Variants in BCKDHB observed in about 807,000 individuals in gnomAD.
BCKDHB encodes 2-oxoisovalerate dehydrogenase subunit beta, mitochondrial.
In BCKDHB, 41 loss-of-function variants were observed where a neutral mutation model predicts 48.5. That is an observed-to-expected ratio of 0.85 (90% confidence interval 0.66 to 1.10). BCKDHB has a LOEUF of 1.10. Among genes scored for constraint, BCKDHB ranks in the 50% least tolerant of loss-of-function variants. The pLI, the probability that BCKDHB is intolerant of heterozygous loss-of-function variation, is 0.00. For synonymous variants in BCKDHB, 201 were observed against 174.8 expected, an observed-to-expected ratio of 1.15 and a Z score of -1.18; for missense variants, 496 against 494.2, an observed-to-expected ratio of 1.00 and a Z score of -0.03.
intron 8 of BCKDHB, among the ~76,000 whole-genome samples, chr6:80,244,636 GATA>G (rs2127921488): frequency 6.6e-6 from 1 of 152,296 alleles, no homozygotes; most frequent in African/African-American, 2.4e-5. Context: ...AATAGTAACA[GATA>G]ATGTCTTCTA....
chr6:80,259,776 T>C (rs954688133), intron 8 of BCKDHB, among the ~76,000 whole-genome samples: 1 of 152,170 alleles, frequency 6.6e-6, no homozygotes, highest in African/African-American at 2.4e-5. Flanking sequence ...TAATAAAAAT[T>C]AATTTATGAT....
chr6:80,329,254 T>C (rs1294419512), intron 9 of BCKDHB, among the ~76,000 whole-genome samples: 1 of 152,188 alleles, frequency 6.6e-6, no homozygotes. Context: ...CTTAAAAACT[T>C]TTTTACTGAA....
rs141969454 is a variant in BCKDHB at position 80,146,046 on chromosome 6, C to T, written c.343+16817C>T. 1.8e-3 allele frequency among the ~76,000 whole-genome samples: 269 copies of T among 152,244 alleles called. 1 individual carries two copies. Among genetic ancestry groups the T allele is most frequent in the African/African-American group, 6.0e-3 (250 of 41,550 alleles). On this transcript the variant is annotated intron_variant, in intron 3 of 9. Transcript: ENST00000320393. Reference sequence around the variant, plus strand: ...AGCTACAACACTGTTTGCTTCACAGCACTGCTTCCCTACCTTGCCCATATG... The same window carrying T: ...AGCTACAACACTGTTTGCTTCACAGTACTGCTTCCCTACCTTGCCCATATG...
intron 5 of BCKDHB, among the ~76,000 whole-genome samples, chr6:80,171,058 T>C (rs1207584975): frequency 6.6e-6 from 1 of 152,146 alleles, no homozygotes; most frequent in African/African-American, 2.4e-5. Flanking sequence ...AGTATCTTAG[T>C]TAACAGAACA....
chr6:80,212,524 A>C (rs1215510424), intron 8 of BCKDHB, among the ~76,000 whole-genome samples: 1 of 152,104 alleles, frequency 6.6e-6, no homozygotes, highest in African/African-American at 2.4e-5. Context: ...GTTCCTTTTC[A>C]GGTGCCCTGA....
chr6:80,243,878 G>C (rs1370462257), intron 8 of BCKDHB, among the ~76,000 whole-genome samples: 1 of 152,118 alleles, frequency 6.6e-6, no homozygotes, highest in Non-Finnish European at 1.5e-5. Flanking sequence ...AAGTGTTTCT[G>C]TGTAAGTGTA....
intron 1 of BCKDHB, among the ~76,000 whole-genome samples, chr6:80,126,594 G>A (rs1377713429): frequency 2.0e-5 from 3 of 152,238 alleles, no homozygotes; most frequent in South Asian, 2.1e-4. Context: ...GACTACCAGC[G>A]TGTAGATCAG....
At chr6:80,159,746 G>T (rs899765890) in intron 3 of BCKDHB, among the ~76,000 whole-genome samples, 1 of 152,078 alleles carries the variant, frequency 6.6e-6, no homozygotes, top group Non-Finnish European at 1.5e-5. Context: ...TGTTACAATT[G>T]TGTCTATAAT....
At chr6:80,339,927 A>G (rs1432345651) in intron 9 of BCKDHB, among the ~76,000 whole-genome samples, 1 of 152,204 alleles carries the variant, frequency 6.6e-6, no homozygotes, top group Non-Finnish European at 1.5e-5. Flanking sequence ...CTTTGTAGTC[A>G]GGTTCGAATC....
chr6:80,334,225 C>T (rs1357198290), intron 9 of BCKDHB, among the ~76,000 whole-genome samples: 3 of 151,956 alleles, frequency 2.0e-5, no homozygotes, highest in African/African-American at 7.2e-5. Context: ...AATTTTATTT[C>T]CATTGGATAC....
rs1191860809 is a variant in BCKDHB, at chr6:80,168,919, T to C, written c.522T>C (p.Leu174=). 8.1e-6 allele frequency: 13 copies of C among 1,614,056 alleles called. No individual in the cohort carries two copies. The highest frequency in any genetic ancestry group is 1.1e-5 in the Non-Finnish European group (13 of 1,180,010). ...AAKYRYRSGD[L]FNCGSLTIRS... Reference sequence around the variant, plus strand: ...AGTATCGCTATCGCTCTGGGGATCTTTTTAACTGTGGAAGCCTCACTATCC... The same window carrying C: ...AGTATCGCTATCGCTCTGGGGATCTCTTTAACTGTGGAAGCCTCACTATCC... The change falls in exon 5 of 10, where the codon CTT becomes CTC. Residue 174 remains leucine (L), a synonymous_variant. Transcript: ENST00000320393.
At chr6:80,129,535 G>T (rs2505932) in intron 3 of BCKDHB, among the ~76,000 whole-genome samples, 93,832 of 151,992 alleles carry the variant, frequency 0.62, 29,198 homozygotes, top group South Asian at 0.76. Flanking sequence ...CTAGCTGCCT[G>T]AGCCAATTTC....
chr6:80,258,816 C>T (rs938656662), intron 8 of BCKDHB, among the ~76,000 whole-genome samples: 3 of 151,798 alleles, frequency 2.0e-5, no homozygotes, highest in Non-Finnish European at 4.4e-5. Context: ...AAGTTAACAA[C>T]ATGAAGACAT....
At chr6:80,413,049 C>G in the BCKDHB span, among the ~76,000 whole-genome samples, 1 of 152,080 alleles carries the variant, frequency 6.6e-6, no homozygotes, top group African/African-American at 2.4e-5. Flanking sequence ...CATTTCCCTA[C>G]CCAGATTTTG....
At chr6:80,348,666 A>C (rs1023589772), downstream of BCKDHB, among the ~76,000 whole-genome samples, 42 of 152,192 alleles carry the variant, frequency 2.8e-4, no homozygotes, top group African/African-American at 9.6e-4. Flanking sequence ...AGTACACCTG[A>C]ATCTACAACT....
chr6:80,178,316 A>G (rs918853397), intron 6 of BCKDHB, among the ~76,000 whole-genome samples: 3 of 152,216 alleles, frequency 2.0e-5, no homozygotes, highest in Non-Finnish European at 2.9e-5. Context: ...TAAGTTTAAC[A>G]TACTTTGAGT....
chr6:80,306,900 G>A, intron 9 of BCKDHB, among the ~76,000 whole-genome samples: 1 of 152,164 alleles, frequency 6.6e-6, no homozygotes, highest in East Asian at 1.9e-4. Context: ...GAAAGCAAGT[G>A]ACTGGTACAT....
At chr6:80,342,573 AAAAAAAGAAAG>A (rs1219177616) in intron 9 of BCKDHB, among the ~76,000 whole-genome samples, 1 of 146,486 alleles carries the variant, frequency 6.8e-6, no homozygotes, top group Non-Finnish European at 1.5e-5. Flanking sequence ...AAAAAAAAAA[AAAAAAAGAAAG>A]GGAAGAAAGG....
the BCKDHB span, among the ~76,000 whole-genome samples, chr6:80,376,237 CA>C: frequency 1.5e-4 from 23 of 151,970 alleles, no homozygotes; most frequent in African/African-American, 5.6e-4. Flanking sequence ...AAGTTCCTGG[CA>C]GGATCATGGT....
Sources: allele counts gnomAD v4.1 joint callset (sites outside exome capture counted in the v4.1 genomes callset), GRCh38; gene constraint gnomAD v4.1.1; transcripts MANE v1.5; gene names NCBI Gene and HGNC (gene_info 2026-07-23, HGNC 2026-07-21).